RBM15: variants seen among roughly 807,000 people sequenced by gnomAD.
RBM15 encodes the protein RNA binding motif protein 15, also known as RNA-binding protein 15.
A neutral mutation model predicts 62.6 loss-of-function variants in RBM15; 8 were observed. That is an observed-to-expected ratio of 0.13 (90% CI 0.07 to 0.23). RBM15 has a LOEUF of 0.23. Among genes scored for constraint, RBM15 ranks in the 10% least tolerant of loss-of-function variants. RBM15 has a pLI of 1.00. For missense variants in RBM15, 1,144 were observed against 1,286.5 expected, an observed-to-expected ratio of 0.89 and a Z score of 1.69; for synonymous variants, 606 against 505.7, an observed-to-expected ratio of 1.20 and a Z score of -2.66.
At chr1:110,342,361 TTTC>T in intron 1 of RBM15, 93 bp downstream of exon 1, 2 of 1,032,014 alleles carry the variant, frequency 1.9e-6, no homozygotes, top group Non-Finnish European at 1.4e-6. Flanking sequence ...CAGATGCAAT[TTTC>T]TTTTTAGTTG....
At chr1:110,346,146 T>TTA (rs1207351261) in intron 2 of RBM15, among the ~76,000 whole-genome samples, 162 bp from the exon 3 acceptor site, 1 of 152,212 alleles carries the variant, frequency 6.6e-6, no homozygotes, top group Admixed American at 6.5e-5. Flanking sequence ...ATTTCAAGGT[T>TTA]TATGCCAGTG....
intron 1 of RBM15, chr1:110,342,543 T>A (rs867264540): frequency 2.6e-6 from 1 of 384,856 alleles, no homozygotes; most frequent in African/African-American, 2.1e-5. Context: ...CCCACCCTTA[T>A]GAGTAATTTT....
chr1:110,345,650 G>A lies in RBM15; in HGVS notation c.*40+1G>A. ...CCCTAAAGGGAGGAAATGATTTCAGGTAACCACAGTGAAATGTTAAGCTGA... is the reference window on the plus strand; with the variant it reads ...CCCTAAAGGGAGGAAATGATTTCAGATAACCACAGTGAAATGTTAAGCTGA... On this transcript the variant is annotated splice_donor_variant, in intron 2 of 2. Coordinates refer to ENST00000369784, the MANE Select transcript of RBM15 (RefSeq NM_022768.5). LOFTEE classifies it low-confidence loss of function (3UTR_SPLICE). The A allele has an allele frequency of 2.0e-6, 3 of 1,521,522 alleles. No individual in the cohort carries two copies. Among genetic ancestry groups the A allele is most frequent in the Non-Finnish European group, 2.7e-6 (3 of 1,123,010 alleles). 94.3% of individuals were successfully genotyped at this position (1,521,522 alleles called of 1,614,324 possible). A position where few individuals can be genotyped will look rare whatever the true frequency, so the allele number is the denominator to read the frequency against.
At position 110,339,657 on chromosome 1, in the gene RBM15, C is replaced by T. The variant is rs1232272484; in HGVS notation, c.252C>T (p.Ser84=). The T allele has an allele frequency of 1.9e-6, 3 of 1,613,372 alleles. No individual in the cohort carries two copies. Among genetic ancestry groups the T allele is most frequent in the South Asian group, 1.1e-5 (1 of 91,084 alleles). The change falls in exon 1 of 3, where the codon AGC becomes AGT. Residue 84 remains serine, a synonymous_variant. Coordinates refer to ENST00000369784, the MANE Select transcript of RBM15 (RefSeq NM_022768.5). The part of the protein sequence containing the change: ...LGGSGGSNGS[S]SGKTDSGGGS... ...GCTCTGGTGGCAGCAATGGGAGCAG[C>T]AGCGGAAAGACCGATAGCGGCGGTG...
Position 110,339,455 on chromosome 1 carries a change from G to T in RBM15, c.50G>T (p.Arg17Leu), listed in dbSNP as rs770679512. The T allele has an allele frequency of 3.2e-5, 50 of 1,544,580 alleles. No homozygotes were observed. Among genetic ancestry groups the T allele is most frequent in the South Asian group, 4.9e-5 (4 of 81,102 alleles). ...GTGCCGCGGCGGAGTCCAAGATGGC[G>T]GCGTGCGGTTCCGCTGTGTGAAACG... ...DPVPRRSPRW[R>L]RAVPLCETSA... The change falls in exon 1 of 3, where the codon CGG becomes CTG. Residue 17 changes from arginine (R) to leucine (L), a missense_variant. By Grantham distance (102) the Arg-to-Leu change is moderately radical (BLOSUM62 -2). Around this residue, in one of 8 missense-constraint regions of RBM15, gnomAD observed 298 missense variants for 250.0 expected, o/e 1.19. Coordinates refer to ENST00000369784, the MANE Select transcript of RBM15 (RefSeq NM_022768.5).
intron 1 of RBM15, among the ~76,000 whole-genome samples, chr1:110,345,177 A>G (rs1434499647): frequency 6.6e-6 from 1 of 152,190 alleles, no homozygotes; most frequent in African/African-American, 2.4e-5. Flanking sequence ...TTTTGAAGGT[A>G]AAATATACTC....
At chr1:110,346,196 A>G (rs1660894028) in intron 2 of RBM15, 112 bp from the exon 3 acceptor site, 3 of 1,084,596 alleles carry the variant, frequency 2.8e-6, no homozygotes, top group Admixed American at 3.8e-5. Flanking sequence ...TGAACCATCC[A>G]GGAAGGTCTT....
Position 110,340,227 on chromosome 1 carries a change from G to C in RBM15, c.822G>C (p.Gly274=). ...ATCCTCCATCAGCCAGTGTGGTCGG[G>C]GCCTCTGTAGGTGGTCACCGGCACC... ...DTYPPSASVV[G]ASVGGHRHPP... The change falls in exon 1 of 3, where the codon GGG becomes GGC. Residue 274 remains glycine, a synonymous_variant. Coordinates refer to ENST00000369784, the MANE Select transcript of RBM15 (RefSeq NM_022768.5). The surrounding 1 kb of genome is among the most constrained non-coding windows in gnomAD (Gnocchi z 5.8). 1 of 1,614,168 alleles carries C rather than the reference G, an allele frequency of 6.2e-7. No individual in the cohort carries two copies. The highest frequency in any genetic ancestry group is 8.5e-7 in the Non-Finnish European group (1 of 1,180,032).
Position 110,341,227 on chromosome 1 carries a change from T to A in RBM15, c.1822T>A (p.Tyr608Asn), listed in dbSNP as rs370033283. Residue 608 changes from tyrosine (Y) to asparagine (N), a missense_variant, in exon 1 of 3, where the codon TAC (tyrosine) becomes AAC (asparagine). Physicochemically the swap from Tyr to Asn is moderately radical, Grantham distance 143. Coordinates refer to ENST00000369784, the MANE Select transcript of RBM15 (RefSeq NM_022768.5). The surrounding 1 kb of genome is among the most constrained non-coding windows in gnomAD (Gnocchi z 4.5). ...TRTAATSVPA[Y>N]EPLDSLDRRR... ...GACTGCAGCTACTTCTGTGCCTGCT[T>A]ACGAGCCACTGGATAGCCTAGATCG... 44 of 1,614,054 alleles carry A rather than the reference T, an allele frequency of 2.7e-5. No homozygotes were observed. Among genetic ancestry groups the A allele is most frequent in the Middle Eastern group, 3.3e-4 (2 of 6,062 alleles).
In RBM15 at chr1:110,340,968, C is replaced by T. The variant is rs143717968; in HGVS notation, c.1563C>T (p.Arg521=). Reference sequence around the variant, plus strand: ...TCCCACTTGGTGGCCCAGATCGACGCCTTAGAGTAGACTTTGCCGACACCG... The same window carrying T: ...TCCCACTTGGTGGCCCAGATCGACGTCTTAGAGTAGACTTTGCCGACACCG... ...RGFPLGGPDR[R]LRVDFADTEH... The change falls in exon 1 of 3, where the codon CGC becomes CGT. Residue 521 remains arginine, a synonymous_variant. Transcript: ENST00000369784. The surrounding 1 kb of genome is among the most constrained non-coding windows in gnomAD (Gnocchi z 5.8). 30 of 1,614,104 alleles carry T rather than the reference C, an allele frequency of 1.9e-5. No homozygotes were observed. The highest frequency in any genetic ancestry group is 2.5e-5 in the Non-Finnish European group (29 of 1,180,038).
At chr1:110,344,644 G>T (rs1660865135) in intron 1 of RBM15, among the ~76,000 whole-genome samples, 2 of 152,082 alleles carry the variant, frequency 1.3e-5, no homozygotes, top group African/African-American at 4.8e-5. Context: ...CCTCATATTT[G>T]TACTGCCCAT....
chr1:110,343,785 C>G (rs1052317493), intron 1 of RBM15, among the ~76,000 whole-genome samples: 1 of 152,108 alleles, frequency 6.6e-6, no homozygotes, highest in Non-Finnish European at 1.5e-5. Context: ...TAACTTGAAG[C>G]CTGGCAGAAC....
At position 110,341,518 on chromosome 1, in the gene RBM15, A is replaced by G; in HGVS notation, c.2113A>G (p.Arg705Gly). 1 of 1,614,138 alleles carries G rather than the reference A, an allele frequency of 6.2e-7. No individual in the cohort carries two copies. The highest frequency in any genetic ancestry group is 8.5e-7 in the Non-Finnish European group (1 of 1,180,032). The part of the protein sequence containing the change: ...LLERPSPIRD[R>G]RGSLEKSQGD... ...GGAAAGGCCCTCTCCAATCAGAGAC[A>G]GACGAGGTAGTTTGGAGAAGAGCCA... The change falls in exon 1 of 3, where the codon AGA becomes GGA. Residue 705 changes from arginine (R) to glycine (G), a missense_variant. Coordinates refer to ENST00000369784, the MANE Select transcript of RBM15 (RefSeq NM_022768.5). The surrounding 1 kb of genome is among the most constrained non-coding windows in gnomAD (Gnocchi z 4.5).
intron 1 of RBM15, among the ~76,000 whole-genome samples, chr1:110,343,806 T>C: frequency 6.6e-6 from 1 of 152,200 alleles, no homozygotes; most frequent in Non-Finnish European, 1.5e-5. Context: ...CCAACTGTTT[T>C]CTTTCTGTTA....
chr1:110,343,322 T>A (rs1292642243), intron 1 of RBM15, among the ~76,000 whole-genome samples: 1 of 152,188 alleles, frequency 6.6e-6, no homozygotes, highest in Non-Finnish European at 1.5e-5. Context: ...TTTGCTTGTC[T>A]TTTTATTTTC....
At chr1:110,345,447 A>T in intron 1 of RBM15, 92 bp from the exon 2 acceptor site, 1 of 839,482 alleles carries the variant, frequency 1.2e-6, no homozygotes, top group Non-Finnish European at 2.0e-6. Context: ...AGAATTAGGA[A>T]ATCCTCTTGA....
At chr1:110,342,460 A>T (rs1230258603) in intron 1 of RBM15, 192 bp downstream of exon 1, 6 of 470,160 alleles carry the variant, frequency 1.3e-5, no homozygotes, top group African/African-American at 2.0e-5. Context: ...TTGTTTGTTT[A>T]GCTATTATTT....
Position 110,341,375 on chromosome 1 carries a change from C to T in RBM15, c.1970C>T (p.Pro657Leu). The change falls in exon 1 of 3, where the codon CCT becomes CTT. Residue 657 changes from proline (P) to leucine (L), a missense_variant. By Grantham distance (98) the Pro-to-Leu change is moderately conservative (BLOSUM62 -3). This residue lies in a region of RBM15 where 360 missense variants were observed against 342.9 expected (regional missense o/e 1.05). Transcript: ENST00000369784. This position sits in a 1 kb window ranked among gnomAD's most constrained non-coding sequence, Gnocchi z 4.5. ...GGAGGACGTCATCTGGATAGGTCTC[C>T]TGAGAGTGACCGCCCACGAAAACGT... ...ESGGRHLDRS[P>L]ESDRPRKRHC... The T allele has an allele frequency of 1.2e-6, 2 of 1,614,086 alleles. No homozygotes were observed. The highest frequency in any genetic ancestry group is 1.7e-4 in the Middle Eastern group (1 of 6,060).
At position 110,339,644 on chromosome 1, in the gene RBM15, G is replaced by A. The variant is rs1369051246; in HGVS notation, c.239G>A (p.Ser80Asn). 8 of 1,613,226 alleles carry A rather than the reference G, an allele frequency of 5.0e-6. No individual in the cohort carries two copies. Among genetic ancestry groups the A allele is most frequent in the Non-Finnish European group, 6.8e-6 (8 of 1,179,912 alleles). ...RSKKLGGSGG[S>N]NGSSSGKTDS... ...AAGAAGTTAGGGGGCTCTGGTGGCA[G>A]CAATGGGAGCAGCAGCGGAAAGACC... Residue 80 changes from serine (S) to asparagine (N), a missense_variant, in exon 1 of 3, where the codon AGC (serine) becomes AAC (asparagine). Physicochemically the swap from Ser to Asn is conservative, Grantham distance 46. Transcript: ENST00000369784.
Sources: allele counts gnomAD v4.1 joint callset (sites outside exome capture counted in the v4.1 genomes callset), GRCh38; gene constraint gnomAD v4.1.1; regional missense constraint gnomAD v4.1.1; non-coding constraint Gnocchi (gnomAD v3.1); transcripts MANE v1.5; gene names NCBI Gene and HGNC (gene_info 2026-07-23, HGNC 2026-07-21).